GPRIN3: variants seen among roughly 807,000 people sequenced by gnomAD.
GPRIN3 encodes GPRIN family member 3.
GPRIN3 carries 12 observed loss-of-function variants against 13.7 expected under a neutral mutation model. The observed-to-expected ratio is 0.87, with a 90% confidence interval of 0.56 to 1.42. The LOEUF (loss-of-function observed/expected upper bound fraction) is 1.42. GPRIN3 is among the 40% of genes most tolerant of loss of function. The probability of loss-of-function intolerance (pLI) is 0.00; values close to 1 mark genes in which losing one functional copy is unlikely to be tolerated. For missense variants in GPRIN3, 1,009 were observed against 958.7 expected (o/e 1.05, Z -0.69); for synonymous variants, 377 against 372.7 (o/e 1.01, Z -0.13).
At chr4:89,276,584 C>T (rs1156891387) in intron 1 of GPRIN3, among the ~76,000 whole-genome samples, 3 of 152,154 alleles carry the variant, frequency 2.0e-5, no homozygotes, top group African/African-American at 7.2e-5. Flanking sequence ...AGACATATAG[C>T]CTCCCCTCAC....
intron 1 of GPRIN3, among the ~76,000 whole-genome samples, chr4:89,286,114 T>C (rs1724407863): frequency 6.7e-6 from 1 of 150,324 alleles, no homozygotes; most frequent in Non-Finnish European, 1.5e-5. Flanking sequence ...TATATATATA[T>C]GTAAACTAAG....
At chr4:89,274,475 C>T (rs1030577060) in intron 1 of GPRIN3, among the ~76,000 whole-genome samples, 1 of 152,068 alleles carries the variant, frequency 6.6e-6, no homozygotes, top group African/African-American at 2.4e-5. Context: ...GCCTTTTTGA[C>T]TATGTTGATA....
intron 1 of GPRIN3, among the ~76,000 whole-genome samples, chr4:89,294,893 G>A (rs954552127): frequency 6.6e-6 from 1 of 152,140 alleles, no homozygotes; most frequent in African/African-American, 2.4e-5. Flanking sequence ...AGTTTCTCAA[G>A]GACAAATTCC....
intron 1 of GPRIN3, among the ~76,000 whole-genome samples, chr4:89,292,481 G>GT (rs1724601554): frequency 6.6e-6 from 1 of 152,144 alleles, no homozygotes; most frequent in South Asian, 2.1e-4. Flanking sequence ...ATTTCAATGT[G>GT]TTTTTTAGGT....
rs908424255 is a variant in GPRIN3, at chr4:89,236,778, A to T, written c.*11002T>A. ...ACCACAATATCTCTGTGATCATCCA[A>T]TTTATATGTCTCAAGTATCTGTGCC... On this transcript the variant is annotated 3_prime_UTR_variant, in exon 2 of 2. Transcript: ENST00000609438. The T allele has an allele frequency of 4.6e-5, 7 of 152,156 alleles. No homozygotes were observed. The highest frequency in any genetic ancestry group is 1.0e-4 in the Non-Finnish European group (7 of 68,040). 9.4% of individuals were successfully genotyped at this position (152,156 alleles called of 1,614,324 possible). A position where few individuals can be genotyped will look rare whatever the true frequency, so the allele number is the denominator to read the frequency against.
At chr4:89,270,358 G>C (rs1286050184) in intron 1 of GPRIN3, among the ~76,000 whole-genome samples, 1 of 150,784 alleles carries the variant, frequency 6.6e-6, no homozygotes, top group Non-Finnish European at 1.5e-5. Flanking sequence ...ACAACCAAAA[G>C]TGAGTTAACT....
At chr4:89,276,606 G>C (rs1487665182) in intron 1 of GPRIN3, among the ~76,000 whole-genome samples, 1 of 152,180 alleles carries the variant, frequency 6.6e-6, no homozygotes, top group African/African-American at 2.4e-5. Context: ...TGAAATCCTT[G>C]AAAGGTAAAA....
chr4:89,284,868 C>A (rs945943347), intron 1 of GPRIN3, among the ~76,000 whole-genome samples: 1 of 152,172 alleles, frequency 6.6e-6, no homozygotes, highest in Non-Finnish European at 1.5e-5. Context: ...GACCATCAGG[C>A]TAGGGGAAGG....
Position 89,249,409 on chromosome 4 carries a change from G to T in GPRIN3, c.702C>A (p.Ser234=). 1 of 1,614,130 alleles carries T rather than the reference G, an allele frequency of 6.2e-7. No homozygotes were observed. Among genetic ancestry groups the T allele is most frequent in the Non-Finnish European group, 8.5e-7 (1 of 1,180,006 alleles). The change falls in exon 2 of 2, where the codon TCC becomes TCA. Residue 234 remains serine (S), a synonymous_variant. Transcript: ENST00000609438. ...CAGATTCTCTAGTTAGAGGTTTACAGGACCTCATTTCAGAGTCACAGATGG... is the reference window on the plus strand; with the variant it reads ...CAGATTCTCTAGTTAGAGGTTTACATGACCTCATTTCAGAGTCACAGATGG... The part of the protein sequence containing the change: ...QGAICDSEMR[S]CKPLTRESGC...
intron 1 of GPRIN3, among the ~76,000 whole-genome samples, chr4:89,253,880 C>T (rs1159849048): frequency 6.6e-6 from 1 of 152,102 alleles, no homozygotes; most frequent in Non-Finnish European, 1.5e-5. Context: ...AAGAGACTCG[C>T]CGAAGTTCTG....
intron 1 of GPRIN3, among the ~76,000 whole-genome samples, chr4:89,251,556 G>A (rs1723326583): frequency 6.6e-6 from 1 of 152,154 alleles, no homozygotes; most frequent in Non-Finnish European, 1.5e-5. Flanking sequence ...TTTATAAATA[G>A]GCAGAATGAT....
intron 1 of GPRIN3, among the ~76,000 whole-genome samples, chr4:89,304,337 A>G (rs978324688): frequency 6.6e-6 from 1 of 152,196 alleles, no homozygotes; most frequent in Non-Finnish European, 1.5e-5. Flanking sequence ...AGTAGCTTTC[A>G]GACTTTTTGG....
At chr4:89,297,094 C>T (rs1334755281) in intron 1 of GPRIN3, among the ~76,000 whole-genome samples, 1 of 152,204 alleles carries the variant, frequency 6.6e-6, no homozygotes, top group Non-Finnish European at 1.5e-5. Flanking sequence ...CCATTACCAT[C>T]TGTGGGACTT....
chr4:89,306,735 A>G (rs975401362), intron 1 of GPRIN3, among the ~76,000 whole-genome samples: 2 of 152,032 alleles, frequency 1.3e-5, no homozygotes, highest in Admixed American at 6.6e-5. Flanking sequence ...CATCGTCTTA[A>G]CCTTGAACTG....
At chr4:89,288,130 C>T (rs906013897) in intron 1 of GPRIN3, among the ~76,000 whole-genome samples, 2 of 152,188 alleles carry the variant, frequency 1.3e-5, no homozygotes, top group African/African-American at 4.8e-5. Context: ...TTTCCCAGAG[C>T]AGTGGCAGAT....
At chr4:89,280,341 G>A (rs1482355429) in intron 1 of GPRIN3, among the ~76,000 whole-genome samples, 1 of 152,184 alleles carries the variant, frequency 6.6e-6, no homozygotes, top group Non-Finnish European at 1.5e-5. Context: ...ATGCAAATAT[G>A]ATCATGCAAG....
rs765194052 is a variant in GPRIN3, at chr4:89,248,686, T to C, written c.1425A>G (p.Ala475=). 1 of 1,614,070 alleles carries C rather than the reference T, an allele frequency of 6.2e-7. No individual in the cohort carries two copies. Among genetic ancestry groups the C allele is most frequent in the African/African-American group, 1.3e-5 (1 of 74,932 alleles). The change falls in exon 2 of 2, where the codon GCA becomes GCG. Residue 475 remains alanine, a synonymous_variant. Transcript: ENST00000609438. ...CATAACTTGTTTCAGCTTGACTGCA[T>C]GCACTGATAGAAATCTGGTCAATGG... ...ATAIDQISIS[A]CSQAETSYGL...
At chr4:89,279,793 T>C (rs1465545873) in intron 1 of GPRIN3, among the ~76,000 whole-genome samples, 1 of 152,208 alleles carries the variant, frequency 6.6e-6, no homozygotes, top group African/African-American at 2.4e-5. Flanking sequence ...CTTCAGTTCT[T>C]TTTTCTCAGT....
At chr4:89,304,355 T>C (rs1724979388) in intron 1 of GPRIN3, among the ~76,000 whole-genome samples, 1 of 152,216 alleles carries the variant, frequency 6.6e-6, no homozygotes, top group East Asian at 1.9e-4. Flanking sequence ...TGGAAAATGA[T>C]GTATAATGAG....
Sources: gnomAD v4.1 joint callset for allele counts (sites outside exome capture counted in the v4.1 genomes callset) on GRCh38, gnomAD v4.1.1 for gene constraint, MANE v1.5 for transcripts, NCBI Gene and HGNC (gene_info 2026-07-23, HGNC 2026-07-21) for gene names.